Variants in CD200R1L observed in about 807,000 individuals in gnomAD.
CD200R1L encodes CD200 receptor 1 like.
In CD200R1L, 14 loss-of-function variants were observed where a neutral mutation model predicts 24.8. The observed-to-expected ratio is 0.56, with a 90% CI of 0.37 to 0.88. The LOEUF (loss-of-function observed/expected upper bound fraction) is 0.88, where lower values mean the gene tolerates loss of function less well. Among genes scored for constraint, CD200R1L ranks in the 40% least tolerant of loss-of-function variants. The probability of loss-of-function intolerance (pLI) is 0.00; values close to 1 mark genes in which losing one functional copy is unlikely to be tolerated. For missense variants in CD200R1L, 299 were observed against 297.8 expected, an observed-to-expected ratio of 1.00 and a Z score of -0.03; for synonymous variants, 111 against 109.2, an observed-to-expected ratio of 1.02 and a Z score of -0.11.
intron 3 of CD200R1L, 85 bp from the exon 4 acceptor site, chr3:112,829,469 C>T: frequency 7.3e-7 from 1 of 1,363,152 alleles, no homozygotes; most frequent in Non-Finnish European, 1.0e-6. Context: ...TCTTACTCAA[C>T]ATGAAGACAA....
chr3:112,817,063 C>G (rs528547948), intron 7 of CD200R1L, among the ~76,000 whole-genome samples: 1 of 152,142 alleles, frequency 6.6e-6, no homozygotes, highest in South Asian at 2.1e-4. Flanking sequence ...CAGACTAATA[C>G]AACCAGGTAA....
At chr3:112,836,770 C>A (rs1229801521) in intron 3 of CD200R1L, among the ~76,000 whole-genome samples, 1 of 152,020 alleles carries the variant, frequency 6.6e-6, no homozygotes, top group Non-Finnish European at 1.5e-5. Context: ...TGGTTTAATT[C>A]TTTTAGTGCA....
At chr3:112,832,602 G>A (rs1938828951) in intron 3 of CD200R1L, among the ~76,000 whole-genome samples, 2 of 152,112 alleles carry the variant, frequency 1.3e-5, no homozygotes. Context: ...TTACCAGTTA[G>A]ATCCCTGCAA....
chr3:112,826,996 A>G lies in CD200R1L; in HGVS notation c.613T>C (p.Ser205Pro). The G allele has an allele frequency of 6.2e-7, 1 of 1,600,148 alleles. No homozygotes were observed. The highest frequency in any genetic ancestry group is 8.5e-7 in the Non-Finnish European group (1 of 1,175,414). ...TCTACAAGAAACAGGCGCTTACCTG[A>G]ATTCAACTTTACGGACAGACTCTTG... ...GNKSLSVKLNSGLRTSGSPAL... is the reference protein window; with the variant it reads ...GNKSLSVKLNPGLRTSGSPAL... Residue 205 changes from serine to proline, a missense_variant, in exon 6 of 8, where the codon TCA becomes CCA. By Grantham distance (74) the Ser-to-Pro change is moderately conservative (BLOSUM62 -1). Transcript: ENST00000488794.
chr3:112,835,358 G>C (rs1219197033), intron 3 of CD200R1L, among the ~76,000 whole-genome samples: 1 of 152,158 alleles, frequency 6.6e-6, no homozygotes, highest in Admixed American at 6.5e-5. Context: ...TCCTAGCAGA[G>C]AGGAAACCCT....
At position 112,845,746 on chromosome 3, in the gene CD200R1L, G is replaced by A. The variant is rs886240200; in HGVS notation, c.-154C>T. ...ACATCTTCCCTAAAGTATGCTTTTGGAGTGGTTTTCTACTTAAACATAAAT... is the reference window on the plus strand; with the variant it reads ...ACATCTTCCCTAAAGTATGCTTTTGAAGTGGTTTTCTACTTAAACATAAAT... On this transcript the variant is annotated 5_prime_UTR_variant, in exon 2 of 8. Coordinates refer to ENST00000488794, the MANE Select transcript of CD200R1L (RefSeq NM_001199215.3). 1 of 1,607,002 alleles carries A rather than the reference G, an allele frequency of 6.2e-7. No homozygotes were observed. Among genetic ancestry groups the A allele is most frequent in the African/African-American group, 1.3e-5 (1 of 74,734 alleles).
chr3:112,821,072 A>G (rs936199179), intron 6 of CD200R1L, among the ~76,000 whole-genome samples: 1 of 151,092 alleles, frequency 6.6e-6, no homozygotes. Flanking sequence ...AAAAAAAAAA[A>G]GTAAAGTAAA....
In CD200R1L at chr3:112,815,972, T is replaced by C; in HGVS notation, c.744A>G (p.Lys248=). 1 of 780,488 alleles carries C rather than the reference T, an allele frequency of 1.3e-6. No individual in the cohort carries two copies. Among genetic ancestry groups the C allele is most frequent in the Non-Finnish European group, 2.4e-6 (1 of 417,748 alleles). The allele number at this position is 780,488 out of a possible 1,614,324, so 48.3% of individuals were successfully genotyped here. ...VFFQRINHVR[K]VL ...GACCCTTCCTTCTTCTTTAAAGAACTTTTCTGAAAGTATTACACAAGATTT... is the reference window on the plus strand; with the variant it reads ...GACCCTTCCTTCTTCTTTAAAGAACCTTTCTGAAAGTATTACACAAGATTT... The change falls in exon 8 of 8, where the codon AAA becomes AAG. Residue 248 remains lysine (K), a synonymous_variant. Coordinates refer to ENST00000488794, the MANE Select transcript of CD200R1L (RefSeq NM_001199215.3).
At chr3:112,822,947 C>T (rs1418206118) in intron 6 of CD200R1L, among the ~76,000 whole-genome samples, 1 of 152,204 alleles carries the variant, frequency 6.6e-6, no homozygotes, top group Non-Finnish European at 1.5e-5. Flanking sequence ...TATTGATTAA[C>T]TTCCTTCTTT....
chr3:112,829,424 A>G (rs943872159), intron 3 of CD200R1L, 40 bp from the exon 4 acceptor site: 1 of 1,556,038 alleles, frequency 6.4e-7, no homozygotes, highest in Non-Finnish European at 8.9e-7. Flanking sequence ...AATCAATTTT[A>G]TGTACTCAGA....
chr3:112,832,581 T>A (rs1938828570), intron 3 of CD200R1L, among the ~76,000 whole-genome samples: 1 of 152,196 alleles, frequency 6.6e-6, no homozygotes, highest in Non-Finnish European at 1.5e-5. Flanking sequence ...CCATCATGTC[T>A]CTTACTTAAT....
At chr3:112,823,439 A>G (rs1938588044) in intron 6 of CD200R1L, among the ~76,000 whole-genome samples, 1 of 152,208 alleles carries the variant, frequency 6.6e-6, no homozygotes. Flanking sequence ...TTATGAGACT[A>G]AGCCTTTAAC....
At position 112,829,375 on chromosome 3, in the gene CD200R1L, C is replaced by A. The variant is rs772795922; in HGVS notation, c.-8G>T. ...CATCTGCTTTCCACCCATGCATGAA[C>A]TACTTGAAGCTAGAAAACATTTAGA... is the stretch of plus-strand genomic sequence containing the variant. On this transcript the variant is annotated 5_prime_UTR_variant, in exon 4 of 8. Coordinates refer to ENST00000488794, the MANE Select transcript of CD200R1L (RefSeq NM_001199215.3). 6.2e-7 allele frequency: 1 copy of A among 1,613,844 alleles called. No individual in the cohort carries two copies. Among genetic ancestry groups the A allele is most frequent in the Non-Finnish European group, 8.5e-7 (1 of 1,179,746 alleles).
chr3:112,818,333 G>A (rs528982045), intron 7 of CD200R1L, among the ~76,000 whole-genome samples: 4 of 152,236 alleles, frequency 2.6e-5, no homozygotes, highest in African/African-American at 4.8e-5. Context: ...AACCTAAAGT[G>A]TAAACAAGAA....
In CD200R1L at chr3:112,839,488, G is replaced by A. The variant is rs568730396; in HGVS notation, c.-86-1478C>T. Among the ~76,000 whole-genome samples the A allele has an allele frequency of 1.4e-3, 217 of 152,248 alleles. 3 individuals carry two copies. The highest frequency in any genetic ancestry group is 3.2e-4 in the Non-Finnish European group (22 of 68,018). On this transcript the variant is annotated intron_variant, in intron 2 of 7. Coordinates refer to ENST00000488794, the MANE Select transcript of CD200R1L (RefSeq NM_001199215.3). ...GGATAAAGAAAAAGATGAGTTCAGG[G>A]CTTCAAATTCTCAACTTAAACTATG...
At chr3:112,829,421 T>C in intron 3 of CD200R1L, 37 bp from the exon 4 acceptor site, 1 of 1,565,064 alleles carries the variant, frequency 6.4e-7, no homozygotes. Context: ...CGAAATCAAT[T>C]TTATGTACTC....
chr3:112,823,571 GTC>G (rs1351146764), intron 6 of CD200R1L, among the ~76,000 whole-genome samples: 45 of 152,154 alleles, frequency 3.0e-4, no homozygotes, highest in Middle Eastern at 3.4e-3. Flanking sequence ...CACATTTGGT[GTC>G]AGAAGCATTG....
chr3:112,835,198 T>C (rs985172059), intron 3 of CD200R1L, among the ~76,000 whole-genome samples: 2 of 152,192 alleles, frequency 1.3e-5, no homozygotes, highest in African/African-American at 2.4e-5. Flanking sequence ...AGGAGCTTTA[T>C]TGAGTGATAG....
intron 6 of CD200R1L, among the ~76,000 whole-genome samples, chr3:112,820,357 A>G (rs1314312646): frequency 6.6e-6 from 1 of 152,126 alleles, no homozygotes; most frequent in Non-Finnish European, 1.5e-5. Flanking sequence ...TCCTACTTTC[A>G]TTTTTATTTA....
Sources: allele counts gnomAD v4.1 joint callset (sites outside exome capture counted in the v4.1 genomes callset), GRCh38; gene constraint gnomAD v4.1.1; transcripts MANE v1.5; gene names NCBI Gene and HGNC (gene_info 2026-07-23, HGNC 2026-07-21).